ATRNL1: variants seen among roughly 807,000 people sequenced by gnomAD.
ATRNL1 encodes attractin-like protein 1.
A neutral mutation model predicts 182.7 loss-of-function variants in ATRNL1; 95 were observed. That is an observed-to-expected ratio of 0.52 (90% CI 0.44 to 0.62). The LOEUF (loss-of-function observed/expected upper bound fraction) is 0.62, where lower values mean the gene tolerates loss of function less well. Ranked by LOEUF, ATRNL1 falls within the 20% of genes least tolerant of loss-of-function variation. The pLI is 0.00. For missense variants in ATRNL1, 1,471 were observed against 1,679.5 expected (o/e 0.88, Z 2.17); for synonymous variants, 576 against 568.3 (o/e 1.01, Z -0.19).
intron 27 of ATRNL1, among the ~76,000 whole-genome samples, chr10:115,806,171 T>G (rs1949916266): frequency 6.6e-6 from 1 of 152,172 alleles, no homozygotes; most frequent in Non-Finnish European, 1.5e-5. Context: ...ACTTCTGAAG[T>G]CTTAGTGAGG....
chr10:115,699,753 C>T (rs541322377), intron 26 of ATRNL1, among the ~76,000 whole-genome samples: 5 of 152,164 alleles, frequency 3.3e-5, no homozygotes, highest in African/African-American at 7.2e-5. Context: ...GGGTACATTA[C>T]GTGACTGAGG....
chr10:115,556,222 A>G (rs1487102709), intron 26 of ATRNL1, among the ~76,000 whole-genome samples: 1 of 152,136 alleles, frequency 6.6e-6, no homozygotes, highest in Non-Finnish European at 1.5e-5. Flanking sequence ...ACTATTGCAC[A>G]ATGTTCACTT....
intron 19 of ATRNL1, among the ~76,000 whole-genome samples, chr10:115,342,196 A>C (rs2134097424): frequency 6.6e-6 from 1 of 152,052 alleles, no homozygotes; most frequent in Middle Eastern, 3.4e-3. Flanking sequence ...ACTTGTAAAT[A>C]GTACATTATA....
chr10:115,137,223 G>A (rs557589297), intron 5 of ATRNL1, among the ~76,000 whole-genome samples: 71 of 152,232 alleles, frequency 4.7e-4, no homozygotes, highest in African/African-American at 1.6e-3. Context: ...GGAGGTCTTT[G>A]GTTGAAAGCA....
At chr10:115,519,145 A>G in intron 24 of ATRNL1, 118 bp from the exon 25 acceptor site, 2 of 822,676 alleles carry the variant, frequency 2.4e-6, no homozygotes, top group Non-Finnish European at 3.9e-6. Flanking sequence ...TTGATTTATA[A>G]TATCATGATC....
At chr10:115,782,792 TA>T (rs1949298306) in intron 27 of ATRNL1, among the ~76,000 whole-genome samples, 1 of 152,190 alleles carries the variant, frequency 6.6e-6, no homozygotes, top group South Asian at 2.1e-4. Flanking sequence ...GCAGCAGTCA[TA>T]AAAATATAAG....
chr10:115,097,867 T>G (rs544857656), intron 1 of ATRNL1, among the ~76,000 whole-genome samples: 1 of 152,288 alleles, frequency 6.6e-6, no homozygotes, highest in South Asian at 2.1e-4. Context: ...GAGGTTGCAG[T>G]GAGCATAGGT....
At chr10:115,830,435 C>A (rs141229802) in intron 27 of ATRNL1, among the ~76,000 whole-genome samples, 54 of 152,196 alleles carry the variant, frequency 3.5e-4, no homozygotes, top group African/African-American at 1.3e-3. Context: ...ATAGGCCATG[C>A]TCAATAAACA....
intron 1 of ATRNL1, among the ~76,000 whole-genome samples, chr10:115,097,050 GAATT>G (rs2085028984): frequency 6.6e-6 from 1 of 152,060 alleles, no homozygotes; most frequent in Admixed American, 6.5e-5. Context: ...GAGCCCTTGA[GAATT>G]AATTTTGTAG....
intron 26 of ATRNL1, among the ~76,000 whole-genome samples, chr10:115,663,743 C>T (rs979777327): frequency 3.9e-5 from 6 of 152,020 alleles, no homozygotes; most frequent in Non-Finnish European, 5.9e-5. Flanking sequence ...CAAAAAATCG[C>T]ATTGGCTTGT....
intron 24 of ATRNL1, among the ~76,000 whole-genome samples, chr10:115,473,595 A>G (rs782354190): frequency 7.9e-5 from 12 of 151,218 alleles, no homozygotes; most frequent in Non-Finnish European, 1.5e-4. Flanking sequence ...TTACAGCATA[A>G]GTTCGGAAGT....
At chr10:115,196,457 A>G (rs1222144130) in intron 8 of ATRNL1, among the ~76,000 whole-genome samples, 1 of 152,082 alleles carries the variant, frequency 6.6e-6, no homozygotes, top group African/African-American at 2.4e-5. Flanking sequence ...TCAACTTGTC[A>G]ATTTTTGAAA....
At chr10:115,859,631 C>T (rs905124576) in intron 28 of ATRNL1, among the ~76,000 whole-genome samples, 1 of 152,106 alleles carries the variant, frequency 6.6e-6, no homozygotes, top group African/African-American at 2.4e-5. Context: ...CTCATAGGGC[C>T]AGTGGTCCGT....
At chr10:115,257,287 G>C (rs1851190049) in intron 10 of ATRNL1, among the ~76,000 whole-genome samples, 1 of 152,010 alleles carries the variant, frequency 6.6e-6, no homozygotes, top group Admixed American at 6.6e-5. Context: ...GTCTCCAAGG[G>C]CTTGCTTTAT....
intron 28 of ATRNL1, among the ~76,000 whole-genome samples, chr10:115,851,900 T>C (rs1421016115): frequency 6.6e-6 from 1 of 152,160 alleles, no homozygotes; most frequent in African/African-American, 2.4e-5. Context: ...TAAGTAACTC[T>C]CCTACATGAC....
chr10:115,257,179 A>G (rs1455676634), intron 10 of ATRNL1, among the ~76,000 whole-genome samples: 2 of 152,138 alleles, frequency 1.3e-5, no homozygotes, highest in East Asian at 3.8e-4. Context: ...CAAGTCCTGG[A>G]TATCCTTGTT....
chr10:115,281,163 GC>G (rs1852343183), intron 13 of ATRNL1, among the ~76,000 whole-genome samples, 191 bp from the exon 14 acceptor site: 1 of 152,118 alleles, frequency 6.6e-6, no homozygotes, highest in Non-Finnish European at 1.5e-5. Flanking sequence ...ACTTGTAGAG[GC>G]AGCTTCAGGC....
At chr10:115,821,926 G>A (rs1432600643) in intron 27 of ATRNL1, among the ~76,000 whole-genome samples, 8 of 152,030 alleles carry the variant, frequency 5.3e-5, no homozygotes, top group African/African-American at 1.2e-4. Context: ...TGGACCAAGC[G>A]GAGATAATAG....
At chr10:115,749,499 C>T (rs1173299122) in intron 27 of ATRNL1, among the ~76,000 whole-genome samples, 6 of 151,844 alleles carry the variant, frequency 4.0e-5, no homozygotes, top group East Asian at 1.9e-4. Context: ...GGGTAAAAGA[C>T]GTGTACAGTA....
Sources: allele counts gnomAD v4.1 joint callset (sites outside exome capture counted in the v4.1 genomes callset), GRCh38; gene constraint gnomAD v4.1.1; transcripts MANE v1.5; gene names NCBI Gene and HGNC (gene_info 2026-07-23, HGNC 2026-07-21).